CSNK1D: variants seen among roughly 807,000 people sequenced by gnomAD.
CSNK1D encodes casein kinase I isoform delta.
In CSNK1D, 16 loss-of-function variants were observed where a neutral mutation model predicts 46.6. The observed-to-expected ratio is 0.34, with a 90% CI of 0.23 to 0.52. The LOEUF (loss-of-function observed/expected upper bound fraction) is 0.52, where lower values mean the gene tolerates loss of function less well. Among genes scored for constraint, CSNK1D ranks in the 20% least tolerant of loss-of-function variants. The pLI, the probability that CSNK1D is intolerant of heterozygous loss-of-function variation, is 0.95. For synonymous variants in CSNK1D, 276 were observed against 228.2 expected (o/e 1.21, Z -1.89); for missense variants, 398 against 578.4 (o/e 0.69, Z 3.20).
In CSNK1D at chr17:82,273,439, G is replaced by C; in HGVS notation, c.-58C>G. 1 of 1,594,214 alleles carries C rather than the reference G, an allele frequency of 6.3e-7. No homozygotes were observed. The highest frequency in any genetic ancestry group is 1.7e-5 in the Admixed American group (1 of 59,014). On this transcript the variant is annotated 5_prime_UTR_variant, in exon 1 of 9. Transcript: ENST00000314028. This position sits in a 1 kb window ranked among gnomAD's most constrained non-coding sequence, Gnocchi z 5.1. ...CGGCCGCTTCCTGGGTCTGAACTCT[G>C]GGAGGCGGCGCCGCTGCTGCCGCTA...
rs369286452 is a variant in CSNK1D, at chr17:82,253,000, A to C, written c.565+16T>G. 1.9e-6 allele frequency: 3 copies of C among 1,609,010 alleles called. No individual in the cohort carries two copies. Among genetic ancestry groups the C allele is most frequent in the Non-Finnish European group, 2.6e-6 (3 of 1,175,632 alleles). On this transcript the variant is annotated intron_variant, in intron 4 of 8. Coordinates refer to ENST00000314028, the MANE Select transcript of CSNK1D (RefSeq NM_001893.6). The surrounding 1 kb of genome is among the most constrained non-coding windows in gnomAD (Gnocchi z 4.6). ...AAAGGCACCCCAGGTCAGTGACCCC[A>C]TGCCCAGGGGCTCACCAATTCCAAG... is the stretch of plus-strand genomic sequence containing the variant.
intron 8 of CSNK1D, chr17:82,245,669 G>C (rs1568552565): frequency 4.9e-6 from 2 of 411,930 alleles, no homozygotes; most frequent in Non-Finnish European, 9.2e-6. Context: ...CTGCCTCACG[G>C]GTGGGCACCC....
chr17:82,247,146 C>A, intron 8 of CSNK1D: 1 of 985,444 alleles, frequency 1.0e-6, no homozygotes, highest in South Asian at 4.7e-5. Context: ...GAGAACACAC[C>A]CCCAAACCAG....
chr17:82,270,738 A>C (rs1261901201), intron 1 of CSNK1D, among the ~76,000 whole-genome samples: 1 of 151,860 alleles, frequency 6.6e-6, no homozygotes, highest in Non-Finnish European at 1.5e-5. Flanking sequence ...GCTAGGAGCC[A>C]ATGCTGATGG....
chr17:82,256,258 C>T (rs1406889286), intron 2 of CSNK1D, among the ~76,000 whole-genome samples: 1 of 152,148 alleles, frequency 6.6e-6, no homozygotes, highest in African/African-American at 2.4e-5. Context: ...TGCCTGTAAT[C>T]CTAGCACTTT....
chr17:82,249,570 C>G lies in CSNK1D; in HGVS notation c.918G>C (p.Arg306=), dbSNP rs1390927034. 3 of 1,556,470 alleles carry G rather than the reference C, an allele frequency of 1.9e-6. No individual in the cohort carries two copies. The highest frequency in any genetic ancestry group is 3.8e-5 in the Admixed American group (2 of 52,120). The change falls in exon 7 of 9, where the codon CGG becomes CGC. Residue 306 remains arginine (R), a synonymous_variant. Coordinates refer to ENST00000314028, the MANE Select transcript of CSNK1D (RefSeq NM_001893.6). This position sits in a 1 kb window ranked among gnomAD's most constrained non-coding sequence, Gnocchi z 6.7. Reference sequence around the variant, plus strand: ...GCCGCTCCTCTCGGTCCCTGCGCTCCCGCTCGGCGTCATCGGCGGCCCGGC... The same window carrying G: ...GCCGCTCCTCTCGGTCCCTGCGCTCGCGCTCGGCGTCATCGGCGGCCCGGC... The part of the protein sequence containing the change: ...GASRAADDAE[R]ERRDREERLR...
downstream of CSNK1D, among the ~76,000 whole-genome samples, chr17:82,241,514 CCCTGCTCCCTCTCAGGGCAGGGAA>C (rs1395246002): frequency 2.0e-3 from 309 of 152,356 alleles, 1 homozygote; most frequent in African/African-American, 7.3e-3. Context: ...GACATGCAGC[CCCTGCTCCCTCTCAGGGCAGGGAA>C]CCCCAGGAGG....
intron 1 of CSNK1D, among the ~76,000 whole-genome samples, chr17:82,270,461 G>C (rs2051590984): frequency 6.6e-6 from 1 of 152,324 alleles, no homozygotes; most frequent in Middle Eastern, 3.4e-3. Context: ...GACAACAGTA[G>C]GAATGGTCTT....
At chr17:82,240,276 C>T (rs183987534), downstream of CSNK1D, among the ~76,000 whole-genome samples, 190 of 152,316 alleles carry the variant, frequency 1.2e-3, 1 homozygote, top group Non-Finnish European at 1.3e-3. Flanking sequence ...CCATGTGTCT[C>T]GGCAGAGTCC....
In CSNK1D at chr17:82,250,042, C is replaced by A; in HGVS notation, c.886-440G>T. On this transcript the variant is annotated intron_variant, in intron 6 of 8. Transcript: ENST00000314028. The surrounding 1 kb of genome is among the most constrained non-coding windows in gnomAD (Gnocchi z 4.6). ...AGAGCGTTTGGTCGGACGAGGAGTA[C>A]ACTCAGGGTCCGGACCCTGCAGCCT... 1 of 1,264,006 alleles carries A rather than the reference C, an allele frequency of 7.9e-7. No individual in the cohort carries two copies. Among genetic ancestry groups the A allele is most frequent in the Non-Finnish European group, 1.0e-6 (1 of 974,268 alleles). The allele number at this position is 1,264,006 out of a possible 1,614,324, so 78.3% of individuals were successfully genotyped here. A position where few individuals can be genotyped will look rare whatever the true frequency, so the allele number is the denominator to read the frequency against.
chr17:82,256,946 C>A (rs1485196791), intron 2 of CSNK1D, among the ~76,000 whole-genome samples: 1 of 152,132 alleles, frequency 6.6e-6, no homozygotes, highest in East Asian at 1.9e-4. Context: ...AAATTCAATT[C>A]ATTTAAAAAA....
chr17:82,246,792 CAGAA>C, intron 8 of CSNK1D: 1 of 988,120 alleles, frequency 1.0e-6, no homozygotes, highest in African/African-American at 1.7e-5. Flanking sequence ...CTGAGAGGAG[CAGAA>C]AGAACAGGGA....
downstream of CSNK1D, among the ~76,000 whole-genome samples, chr17:82,242,218 G>T (rs990976806): frequency 2.2e-4 from 33 of 151,776 alleles, no homozygotes; most frequent in South Asian, 6.3e-4. Context: ...GCTCTGGGGG[G>T]GGGGGGAAGA....
rs769584405 is a variant in CSNK1D, at chr17:82,253,007, G to A, written c.565+9C>T. On this transcript the variant is annotated intron_variant, in intron 4 of 8. Coordinates refer to ENST00000314028, the MANE Select transcript of CSNK1D (RefSeq NM_001893.6). Reference sequence around the variant, plus strand: ...CCCCAGGTCAGTGACCCCATGCCCAGGGGCTCACCAATTCCAAGGTGCGTG... The same window carrying A: ...CCCCAGGTCAGTGACCCCATGCCCAAGGGCTCACCAATTCCAAGGTGCGTG... The A allele has an allele frequency of 1.5e-5, 24 of 1,612,842 alleles. No homozygotes were observed. Among genetic ancestry groups the A allele is most frequent in the Middle Eastern group, 3.3e-4 (2 of 6,082 alleles).
chr17:82,259,867 T>C (rs1489829993), intron 2 of CSNK1D, among the ~76,000 whole-genome samples: 1 of 152,254 alleles, frequency 6.6e-6, no homozygotes, highest in Non-Finnish European at 1.5e-5. Context: ...CAAAAGACTA[T>C]GTGGCATGGA....
Position 82,249,426 on chromosome 17 carries a change from C to A in CSNK1D, c.1057+5G>T. 5 of 1,535,814 alleles carry A rather than the reference C, an allele frequency of 3.3e-6. No individual in the cohort carries two copies. The highest frequency in any genetic ancestry group is 4.4e-6 in the Non-Finnish European group (5 of 1,146,082). On this transcript the variant is annotated splice_donor_5th_base_variant and intron_variant, in intron 7 of 8. Coordinates refer to ENST00000314028, the MANE Select transcript of CSNK1D (RefSeq NM_001893.6). This position sits in a 1 kb window ranked among gnomAD's most constrained non-coding sequence, Gnocchi z 6.7. The stretch of plus-strand genomic sequence containing the variant: ...GCCCCAGAGCGCTGGGAGGGGGGCA[C>A]TCACCCGTGTGTGAGGTAGGGGTGA...
At chr17:82,244,872 G>C (rs749160505) in intron 8 of CSNK1D, 41 bp from the exon 9 acceptor site, 1 of 1,612,632 alleles carries the variant, frequency 6.2e-7, no homozygotes, top group Non-Finnish European at 8.5e-7. Context: ...GCATGGGGCT[G>C]GGGGAGCCGG....
rs372470700 is a variant in CSNK1D at position 82,249,419 on chromosome 17, G to A, written c.1057+12C>T. On this transcript the variant is annotated intron_variant, in intron 7 of 8. Coordinates refer to ENST00000314028, the MANE Select transcript of CSNK1D (RefSeq NM_001893.6). This position sits in a 1 kb window ranked among gnomAD's most constrained non-coding sequence, Gnocchi z 6.7. The stretch of plus-strand genomic sequence containing the variant: ...AGAGCCAGCCCCAGAGCGCTGGGAG[G>A]GGGGCACTCACCCGTGTGTGAGGTA... The A allele has an allele frequency of 3.1e-5, 47 of 1,533,912 alleles. 1 individual carries two copies. The African/African-American group carries it at 6.3e-4, about 21-fold the overall frequency.
chr17:82,264,602 G>T (rs2051419890), intron 2 of CSNK1D, among the ~76,000 whole-genome samples: 1 of 152,106 alleles, frequency 6.6e-6, no homozygotes, highest in Non-Finnish European at 1.5e-5. Flanking sequence ...TTTGCTCGGA[G>T]AAAACGAGCC....
Sources: gnomAD v4.1 joint callset for allele counts (sites outside exome capture counted in the v4.1 genomes callset) on GRCh38, gnomAD v4.1.1 for gene constraint, Gnocchi (gnomAD v3.1) non-coding constraint, MANE v1.5 for transcripts, NCBI Gene and HGNC (gene_info 2026-07-23, HGNC 2026-07-21) for gene names.